The following ZNF26 variants were observed in gnomAD, a reference collection of about 807,000 sequenced individuals.
ZNF26 encodes the protein zinc finger protein 26.
A neutral mutation model predicts 54.9 loss-of-function variants in ZNF26; 32 were observed. The observed-to-expected ratio is 0.58, with a 90% CI of 0.44 to 0.78. The LOEUF (loss-of-function observed/expected upper bound fraction) is 0.78, where lower values mean the gene tolerates loss of function less well. Among genes scored for constraint, ZNF26 ranks in the 30% least tolerant of loss-of-function variants. The pLI, the probability that ZNF26 is intolerant of heterozygous loss-of-function variation, is 0.00. For synonymous variants in ZNF26, 221 were observed against 209.2 expected (o/e 1.06, Z -0.49); for missense variants, 524 against 634.0 (o/e 0.83, Z 1.86).
In ZNF26 at chr12:132,994,513, T is replaced by C. The variant is rs956084261; in HGVS notation, c.33+7640T>C. Among the ~76,000 whole-genome samples the C allele has an allele frequency of 2.8e-3, 434 of 152,282 alleles. 2 individuals carry two copies. Among genetic ancestry groups the C allele is most frequent in the African/African-American group, 9.9e-3 (410 of 41,574 alleles). ...ACCACCCACCCATCCCAATCCCCTC[T>C]CTCTCCTCGGAGGTAATCAGTTTGA... On this transcript the variant is annotated intron_variant, in intron 1 of 3. Transcript: ENST00000328654.
chr12:132,990,557 G>A (rs1391125070), intron 1 of ZNF26, among the ~76,000 whole-genome samples: 5 of 152,260 alleles, frequency 3.3e-5, no homozygotes, highest in Middle Eastern at 3.4e-3. Context: ...TGTCTTTATA[G>A]ACTGAGTTAG....
In ZNF26 at chr12:133,011,320, C is replaced by G; in HGVS notation, c.1441C>G (p.Pro481Ala). 6.2e-7 allele frequency: 1 copy of G among 1,614,010 alleles called. No individual in the cohort carries two copies. The highest frequency in any genetic ancestry group is 8.5e-7 in the Non-Finnish European group (1 of 1,180,002). The change falls in exon 4 of 4, where the codon CCT becomes GCT. Residue 481 changes from proline to alanine, a missense_variant. Transcript: ENST00000328654. ...IHQKTHSGEK[P>A]FKCSECGKAF... is the part of the protein sequence containing the mutation. ...CCAGAAAACTCATTCGGGAGAGAAA[C>G]CTTTTAAATGCAGTGAATGTGGAAA...
intron 3 of ZNF26, 128 bp from the exon 4 acceptor site, chr12:133,010,008 T>C (rs1325692413): frequency 6.2e-6 from 6 of 974,820 alleles, no homozygotes; most frequent in Non-Finnish European, 7.1e-6. Flanking sequence ...AGTATTTCTT[T>C]TGAACCAGTG....
In ZNF26 at chr12:133,017,586, G is replaced by A. The variant is rs1410142006; in HGVS notation, c.*6105G>A. On this transcript the variant is annotated 3_prime_UTR_variant, in exon 4 of 4. Coordinates refer to ENST00000328654, the MANE Select transcript of ZNF26 (RefSeq NM_019591.4). ...CAGTGATCAGTTTGGAGACTGAAGAGCAACAGTCTGAGGAATGACCCCAGG... is the reference window on the plus strand; with the variant it reads ...CAGTGATCAGTTTGGAGACTGAAGAACAACAGTCTGAGGAATGACCCCAGG... The A allele has an allele frequency of 7.9e-5, 12 of 152,322 alleles. No homozygotes were observed. The East Asian group carries it at 2.1e-3, about 27-fold the overall frequency. The allele number at this position is 152,322 out of a possible 1,614,324, so 9.4% of individuals were successfully genotyped here. A position where few individuals can be genotyped will look rare whatever the true frequency, so the allele number is the denominator to read the frequency against.
At chr12:133,005,996 C>A in intron 1 of ZNF26, 7 of 752,754 alleles carry the variant, frequency 9.3e-6, no homozygotes, top group Non-Finnish European at 1.1e-5. Flanking sequence ...GTGATGCTTG[C>A]TTCTGGTACA....
At position 133,022,659 on chromosome 12, in the gene ZNF26, C is replaced by G. The variant is rs1436303856; in HGVS notation, c.*11178C>G. 1 of 151,442 alleles carries G rather than the reference C, an allele frequency of 6.6e-6. No homozygotes were observed. Among genetic ancestry groups the G allele is most frequent in the Non-Finnish European group, 1.5e-5 (1 of 67,984 alleles). The allele number at this position is 151,442 out of a possible 1,614,324, so 9.4% of individuals were successfully genotyped here. On this transcript the variant is annotated 3_prime_UTR_variant, in exon 4 of 4. Transcript: ENST00000328654. ...TATCTCAATACAAATTTAATTAAAA[C>G]AAAATAAATCTGATAAAGATGTAAA...
intron 1 of ZNF26, chr12:133,006,143 T>C: frequency 1.0e-6 from 1 of 985,304 alleles, no homozygotes; most frequent in Non-Finnish European, 1.2e-6. Flanking sequence ...TCTTTGCTGT[T>C]GCTTAGAATG....
chr12:133,000,354 C>T (rs1031576191), intron 1 of ZNF26, among the ~76,000 whole-genome samples: 3 of 150,762 alleles, frequency 2.0e-5, no homozygotes, highest in East Asian at 3.9e-4. Flanking sequence ...TGGGTTCAAG[C>T]GATTCTCCTG....
At position 133,010,403 on chromosome 12, in the gene ZNF26, T is replaced by C. The variant is rs910026853; in HGVS notation, c.524T>C (p.Val175Ala). 2.5e-6 allele frequency: 4 copies of C among 1,614,086 alleles called. No homozygotes were observed. The highest frequency in any genetic ancestry group is 2.7e-5 in the African/African-American group (2 of 74,934). The change falls in exon 4 of 4, where the codon GTG becomes GCG. Residue 175 changes from valine (V) to alanine (A), a missense_variant. Coordinates refer to ENST00000328654, the MANE Select transcript of ZNF26 (RefSeq NM_019591.4). ...QRAHSIEKNCVCSECGKAFRC... is the reference protein window; with the variant it reads ...QRAHSIEKNCACSECGKAFRC... ...GCTCATAGCATAGAAAAAAACTGTG[T>C]GTGTAGTGAATGTGGGAAAGCTTTT...
intron 1 of ZNF26, among the ~76,000 whole-genome samples, chr12:133,003,193 GCTTA>G (rs1345181535): frequency 1.3e-5 from 2 of 151,614 alleles, no homozygotes; most frequent in African/African-American, 2.4e-5. Flanking sequence ...CAGATTTTTG[GCTTA>G]CTGTTTATTA....
At chr12:132,996,410 G>C (rs987194417) in intron 1 of ZNF26, among the ~76,000 whole-genome samples, 1 of 152,152 alleles carries the variant, frequency 6.6e-6, no homozygotes, top group Non-Finnish European at 1.5e-5. Flanking sequence ...ATTTTAGTTT[G>C]TTTAGTCCTC....
rs1953640673 is a variant in ZNF26, at chr12:133,021,454, G to A, written c.*9973G>A. 1 of 151,068 alleles carries A rather than the reference G, an allele frequency of 6.6e-6. No individual in the cohort carries two copies. The highest frequency in any genetic ancestry group is 2.4e-5 in the African/African-American group (1 of 41,184). The allele number at this position is 151,068 out of a possible 1,614,324, so 9.4% of individuals were successfully genotyped here. Reference sequence around the variant, plus strand: ...GCGTGAGCCACTGTGCCCTGCCAATGCTTATACATTTCAAGAAAAACATTT... The same window carrying A: ...GCGTGAGCCACTGTGCCCTGCCAATACTTATACATTTCAAGAAAAACATTT... On this transcript the variant is annotated 3_prime_UTR_variant, in exon 4 of 4. Coordinates refer to ENST00000328654, the MANE Select transcript of ZNF26 (RefSeq NM_019591.4).
rs1430159956 is a variant in ZNF26, at chr12:133,024,054, A to G, written c.*12573A>G. ...GAATCCCTGACAAACAGGAACCATCAGAAATAATAACGTCTTTGTTGCTAT... is the reference window on the plus strand; with the variant it reads ...GAATCCCTGACAAACAGGAACCATCGGAAATAATAACGTCTTTGTTGCTAT... On this transcript the variant is annotated 3_prime_UTR_variant, in exon 4 of 4. Transcript: ENST00000328654. The G allele has an allele frequency of 6.6e-6, 1 of 152,222 alleles. No homozygotes were observed. The highest frequency in any genetic ancestry group is 2.1e-4 in the South Asian group (1 of 4,830). 9.4% of individuals were successfully genotyped at this position (152,222 alleles called of 1,614,324 possible).
Position 133,001,766 on chromosome 12 carries a change from G to A in ZNF26, c.34-5276G>A, listed in dbSNP as rs1441086378. On this transcript the variant is annotated intron_variant, in intron 1 of 3. Transcript: ENST00000328654. This position sits in a 1 kb window ranked among gnomAD's most constrained non-coding sequence, Gnocchi z 4.7. ...AGGGAGGCGGGGCCCTGTTTGAGGT[G>A]AGCTGCTGAACCCTCACTCCCCAGC... 2 of 1,229,780 alleles carry A rather than the reference G, an allele frequency of 1.6e-6. No homozygotes were observed. The highest frequency in any genetic ancestry group is 1.1e-6 in the Non-Finnish European group (1 of 935,130). 76.2% of individuals were successfully genotyped at this position (1,229,780 alleles called of 1,614,324 possible).
At position 133,011,228 on chromosome 12, in the gene ZNF26, C is replaced by T; in HGVS notation, c.1349C>T (p.Thr450Ile). The T allele has an allele frequency of 6.2e-7, 1 of 1,614,072 alleles. No homozygotes were observed. Among genetic ancestry groups the T allele is most frequent in the Non-Finnish European group, 8.5e-7 (1 of 1,179,994 alleles). Residue 450 changes from threonine to isoleucine, a missense_variant, in exon 4 of 4, where the codon ACT (threonine) becomes ATT (isoleucine). Physicochemically the swap from Thr to Ile is moderately conservative, Grantham distance 89. Coordinates refer to ENST00000328654, the MANE Select transcript of ZNF26 (RefSeq NM_019591.4). ...QLIIHQRTHS[T>I]EKPYECNECE... ...ATTATACATCAGAGAACTCATTCAA[C>T]TGAGAAGCCCTATGAATGCAATGAA...
At position 133,014,136 on chromosome 12, in the gene ZNF26, T is replaced by C. The variant is rs1356136216; in HGVS notation, c.*2655T>C. On this transcript the variant is annotated 3_prime_UTR_variant, in exon 4 of 4. Transcript: ENST00000328654. ...AATCTACACTAAACATGCCCTGGGATGGGATTGCTCATTTAGGAAAATATG... is the reference window on the plus strand; with the variant it reads ...AATCTACACTAAACATGCCCTGGGACGGGATTGCTCATTTAGGAAAATATG... 11 of 152,240 alleles carry C rather than the reference T, an allele frequency of 7.2e-5. No individual in the cohort carries two copies. The highest frequency in any genetic ancestry group is 2.7e-4 in the African/African-American group (11 of 41,460). 9.4% of individuals were successfully genotyped at this position (152,240 alleles called of 1,614,324 possible).
At position 133,021,690 on chromosome 12, in the gene ZNF26, C is replaced by G. The variant is rs1324288539; in HGVS notation, c.*10209C>G. On this transcript the variant is annotated 3_prime_UTR_variant, in exon 4 of 4. Coordinates refer to ENST00000328654, the MANE Select transcript of ZNF26 (RefSeq NM_019591.4). ...GCTGAGGCAGGAGAATTGCTTGAAC[C>G]CGGGAGGCAGAGGTTGCAGTGAGCC... 6.6e-6 allele frequency: 1 copy of G among 151,306 alleles called. No individual in the cohort carries two copies. Among genetic ancestry groups the G allele is most frequent in the African/African-American group, 2.4e-5 (1 of 41,176 alleles). 9.4% of individuals were successfully genotyped at this position (151,306 alleles called of 1,614,324 possible). A position where few individuals can be genotyped will look rare whatever the true frequency, so the allele number is the denominator to read the frequency against.
At chr12:132,986,909 G>A (rs1179944357) in intron 1 of ZNF26, 36 bp downstream of exon 1, 1 of 1,587,402 alleles carries the variant, frequency 6.3e-7, no homozygotes, top group Admixed American at 1.8e-5. Flanking sequence ...AATTCGACTG[G>A]ATACTGAGGG....
intron 1 of ZNF26, among the ~76,000 whole-genome samples, chr12:132,998,077 C>T (rs1593647176): frequency 6.6e-6 from 1 of 152,048 alleles, no homozygotes; most frequent in East Asian, 1.9e-4. Context: ...TCTCATTATA[C>T]TTGGCCTGGT....
Sources: gnomAD v4.1 joint callset for allele counts (sites outside exome capture counted in the v4.1 genomes callset) on GRCh38, gnomAD v4.1.1 for gene constraint, Gnocchi (gnomAD v3.1) non-coding constraint, MANE v1.5 for transcripts, NCBI Gene and HGNC (gene_info 2026-07-23, HGNC 2026-07-21) for gene names.